Variants in SLC30A9 observed in about 807,000 individuals in gnomAD.
The protein encoded by SLC30A9 is solute carrier family 30 member 9, also known as proton-coupled zinc antiporter SLC30A9, mitochondrial.
In SLC30A9, 58 loss-of-function variants were observed where a neutral mutation model predicts 87.5. That is an observed-to-expected ratio of 0.66 (90% CI 0.54 to 0.82). The LOEUF (loss-of-function observed/expected upper bound fraction) is 0.82, where lower values mean the gene tolerates loss of function less well. Among genes scored for constraint, SLC30A9 ranks in the 40% least tolerant of loss-of-function variants. SLC30A9 has a pLI of 0.00. For synonymous variants in SLC30A9, 234 were observed against 233.0 expected (o/e 1.00, Z -0.04); for missense variants, 557 against 679.1 (o/e 0.82, Z 2.00).
chr4:42,019,747 C>T (rs920375893), intron 3 of SLC30A9, among the ~76,000 whole-genome samples: 7 of 152,054 alleles, frequency 4.6e-5, no homozygotes, highest in African/African-American at 1.7e-4. Flanking sequence ...GCTGATTTCA[C>T]CTCACAGTTT....
chr4:42,030,916 C>T (rs553568605), intron 6 of SLC30A9, among the ~76,000 whole-genome samples: 1 of 152,256 alleles, frequency 6.6e-6, no homozygotes, highest in African/African-American at 2.4e-5. Context: ...TTGCTTTGTA[C>T]ATTTTCTTTT....
rs914689756 is a variant in SLC30A9 at position 42,023,399 on chromosome 4, T to C, written c.610+15T>C. On this transcript the variant is annotated intron_variant, in intron 6 of 17. Transcript: ENST00000264451. ...ATACAGAGAAAGTAAGTATATTCAATTTAAAGTCAAGTTAATTGAAAAATA... is the reference window on the plus strand; with the variant it reads ...ATACAGAGAAAGTAAGTATATTCAACTTAAAGTCAAGTTAATTGAAAAATA... 29 of 1,498,836 alleles carry C rather than the reference T, an allele frequency of 1.9e-5. No individual in the cohort carries two copies. The highest frequency in any genetic ancestry group is 2.7e-5 in the Non-Finnish European group (29 of 1,075,262). The allele number at this position is 1,498,836 out of a possible 1,614,324, so 92.8% of individuals were successfully genotyped here.
intron 8 of SLC30A9, 80 bp downstream of exon 8, chr4:42,039,133 C>A: frequency 1.9e-6 from 2 of 1,031,946 alleles, no homozygotes; most frequent in Non-Finnish European, 3.0e-6. Flanking sequence ...AAATTTATTA[C>A]ATGGTAGCTA....
At chr4:42,016,990 T>C (rs960453307) in intron 2 of SLC30A9, among the ~76,000 whole-genome samples, 2 of 152,216 alleles carry the variant, frequency 1.3e-5, no homozygotes, top group African/African-American at 4.8e-5. Context: ...TAAATTATGC[T>C]TGTGTTCAAC....
chr4:42,050,179 T>A (rs1015922541), intron 9 of SLC30A9, among the ~76,000 whole-genome samples: 1 of 152,160 alleles, frequency 6.6e-6, no homozygotes, highest in Non-Finnish European at 1.5e-5. Context: ...AATTAAAAAT[T>A]AAGCCTGTGA....
In SLC30A9 at chr4:42,067,081, C is replaced by T; in HGVS notation, c.1145-4C>T. ...TCTTGTCTTGTCTCTTCCCCAATGACTAGTAATGGAAAGTCGTGATCCTAG... is the reference window on the plus strand; with the variant it reads ...TCTTGTCTTGTCTCTTCCCCAATGATTAGTAATGGAAAGTCGTGATCCTAG... On this transcript the variant is annotated splice_polypyrimidine_tract_variant and splice_region_variant and intron_variant, in intron 13 of 17. Transcript: ENST00000264451. 2 of 1,571,246 alleles carry T rather than the reference C, an allele frequency of 1.3e-6. No individual in the cohort carries two copies. The highest frequency in any genetic ancestry group is 2.2e-5 in the South Asian group (2 of 89,700).
At chr4:42,058,278 C>T (rs1717705905) in intron 9 of SLC30A9, among the ~76,000 whole-genome samples, 1 of 152,152 alleles carries the variant, frequency 6.6e-6, no homozygotes, top group Admixed American at 6.5e-5. Flanking sequence ...TAAAACATAA[C>T]AAGAGTCACC....
intron 1 of SLC30A9, among the ~76,000 whole-genome samples, chr4:41,998,527 G>A (rs899031861): frequency 2.0e-5 from 3 of 151,320 alleles, no homozygotes; most frequent in South Asian, 2.1e-4. Context: ...GCAATGGCGC[G>A]ATCTTGGTTC....
At chr4:42,047,048 C>T (rs1299591332) in intron 8 of SLC30A9, among the ~76,000 whole-genome samples, 1 of 152,128 alleles carries the variant, frequency 6.6e-6, no homozygotes, top group Non-Finnish European at 1.5e-5. Flanking sequence ...TGAAACTGGA[C>T]CCTGTCTTTA....
intron 14 of SLC30A9, 61 bp downstream of exon 14, chr4:42,067,253 T>C (rs1045937879): frequency 7.6e-6 from 8 of 1,054,256 alleles, no homozygotes; most frequent in Middle Eastern, 2.1e-4. Context: ...CTCTAATATG[T>C]GGGAATTTTC....
chr4:42,074,225 A>G (rs752586958), intron 15 of SLC30A9, among the ~76,000 whole-genome samples: 2 of 152,246 alleles, frequency 1.3e-5, no homozygotes, highest in Non-Finnish European at 1.5e-5. Flanking sequence ...TGATTAAAAT[A>G]TAGCTTCCTT....
chr4:42,014,259 GGGAACCCT>G (rs1262219300), intron 2 of SLC30A9, among the ~76,000 whole-genome samples: 2 of 152,192 alleles, frequency 1.3e-5, no homozygotes, highest in African/African-American at 4.8e-5. Context: ...GTGGAGAAAA[GGGAACCCT>G]TGTACATTGT....
intron 16 of SLC30A9, among the ~76,000 whole-genome samples, chr4:42,077,600 C>A (rs1395742448): frequency 1.3e-5 from 2 of 152,080 alleles, no homozygotes; most frequent in Admixed American, 1.3e-4. Context: ...GATGGGGTTT[C>A]ACCATCTTGG....
intron 2 of SLC30A9, among the ~76,000 whole-genome samples, chr4:42,014,761 G>A (rs1381187536): frequency 2.0e-5 from 3 of 152,146 alleles, no homozygotes; most frequent in African/African-American, 7.2e-5. Flanking sequence ...CAGCAATACG[G>A]ATGGAACTGG....
At chr4:41,992,252 G>T (rs1372499579) in intron 1 of SLC30A9, among the ~76,000 whole-genome samples, 1 of 151,528 alleles carries the variant, frequency 6.6e-6, no homozygotes, top group African/African-American at 2.4e-5. Context: ...GAGGTGGGAG[G>T]ATCGCTTGAG....
Position 42,021,917 on chromosome 4 carries a change from ATTTTTTTTTTTTTT to A in SLC30A9, c.435-905_435-892del, listed in dbSNP as rs1180421350. 2.7e-3 allele frequency among the ~76,000 whole-genome samples: 107 copies of A among 39,946 alleles called. 17 individuals carry two copies. Among genetic ancestry groups the A allele is most frequent in the African/African-American group, 6.5e-3 (101 of 15,482 alleles). The allele number at this position is 39,946 out of a possible 152,430, so 26.2% of individuals were successfully genotyped here. On this transcript the variant is annotated intron_variant, in intron 4 of 17. Transcript: ENST00000264451. ...GGCTGTGCGCCACCACGCCTGGCTA[ATTTTTTTTTTTTTT>A]TTTTTTTTTTTTTTTGAGACGGAGT...
At chr4:42,038,066 C>T (rs1431164751) in intron 7 of SLC30A9, among the ~76,000 whole-genome samples, 1 of 152,134 alleles carries the variant, frequency 6.6e-6, no homozygotes, top group Non-Finnish European at 1.5e-5. Context: ...GCCACTGCGC[C>T]CGACCTGATT....
chr4:42,026,291 T>C (rs1716188358), intron 6 of SLC30A9, among the ~76,000 whole-genome samples: 1 of 152,226 alleles, frequency 6.6e-6, no homozygotes, highest in Non-Finnish European at 1.5e-5. Flanking sequence ...GTAATACAGG[T>C]ACTAACACAG....
At chr4:42,084,454 C>CTTTAT (rs144751904) in intron 17 of SLC30A9, among the ~76,000 whole-genome samples, 5,220 of 151,532 alleles carry the variant, frequency 0.034, 220 homozygotes, top group African/African-American at 0.098. Context: ...GGTGCCCTTC[C>CTTTAT]TTTATTTTAT....
Sources: allele counts gnomAD v4.1 joint callset (sites outside exome capture counted in the v4.1 genomes callset), GRCh38; gene constraint gnomAD v4.1.1; transcripts MANE v1.5; gene names NCBI Gene and HGNC (gene_info 2026-07-23, HGNC 2026-07-21).